Variants in COL15A1 observed in about 807,000 individuals in gnomAD.
COL15A1 encodes collagen type XV alpha 1 chain.
Under a neutral mutation model 165.9 loss-of-function variants are expected in COL15A1, and 111 were observed. The observed-to-expected ratio is 0.67, with a 90% CI of 0.57 to 0.78. COL15A1 has a LOEUF of 0.78. Ranked by LOEUF, COL15A1 falls within the 30% of genes least tolerant of loss-of-function variation. COL15A1 has a pLI of 0.00. For synonymous variants in COL15A1, 659 were observed against 674.8 expected (o/e 0.98, Z 0.36); for missense variants, 1,745 against 1,789.7 (o/e 0.98, Z 0.45).
intron 36 of COL15A1, among the ~76,000 whole-genome samples, chr9:99,061,010 A>G (rs1382005951): frequency 6.6e-6 from 1 of 152,266 alleles, no homozygotes; most frequent in African/African-American, 2.4e-5. Flanking sequence ...TCTCTGGCAC[A>G]TTCGTTACCC....
chr9:99,013,632 T>A (rs1291341302), intron 9 of COL15A1, among the ~76,000 whole-genome samples: 1 of 151,700 alleles, frequency 6.6e-6, no homozygotes, highest in Non-Finnish European at 1.5e-5. Context: ...TCCACCATTA[T>A]ACACACTAAG....
chr9:99,069,728 A>G lies in COL15A1; in HGVS notation c.4009A>G (p.Asn1337Asp). The G allele has an allele frequency of 6.2e-7, 1 of 1,614,148 alleles. No individual in the cohort carries two copies. Among genetic ancestry groups the G allele is most frequent in the South Asian group, 1.1e-5 (1 of 91,082 alleles). Residue 1337 changes from asparagine (N) to aspartate (D), a missense_variant, in exon 42 of 42, where the codon AAC becomes GAC. Physicochemically the swap from Asn to Asp is conservative, Grantham distance 23 (BLOSUM62 1). Coordinates refer to ENST00000375001, the MANE Select transcript of COL15A1 (RefSeq NM_001855.5). ...SSPHGVRLVDNYCEAWRTADT... is the reference protein window; with the variant it reads ...SSPHGVRLVDDYCEAWRTADT... The stretch of plus-strand genomic sequence containing the variant: ...CCCCCATGGCGTCCGCCTTGTGGAT[A>G]ACTACTGTGAAGCATGGCGAACCGC...
intron 2 of COL15A1, among the ~76,000 whole-genome samples, chr9:98,982,845 G>A (rs536690166): frequency 6.6e-6 from 1 of 152,086 alleles, no homozygotes; most frequent in South Asian, 2.1e-4. Flanking sequence ...TGTTGCCCAG[G>A]CTGGCCTTGA....
At chr9:99,018,122 C>A (rs1359170629) in intron 11 of COL15A1, among the ~76,000 whole-genome samples, 1 of 152,206 alleles carries the variant, frequency 6.6e-6, no homozygotes, top group African/African-American at 2.4e-5. Context: ...TATCACGATG[C>A]ATCTAACAAA....
intron 6 of COL15A1, among the ~76,000 whole-genome samples, chr9:98,999,338 G>C (rs1474329143): frequency 1.4e-5 from 2 of 147,032 alleles, no homozygotes; most frequent in Non-Finnish European, 3.0e-5. Context: ...CTGTCATGGG[G>C]TGATAGTGGG....
chr9:98,993,717 G>T (rs2118915450), intron 5 of COL15A1, among the ~76,000 whole-genome samples: 1 of 152,272 alleles, frequency 6.6e-6, no homozygotes, highest in Non-Finnish European at 1.5e-5. Flanking sequence ...CTGAGCTGGG[G>T]ACTTCCCCCT....
chr9:99,025,925 G>A lies in COL15A1; in HGVS notation c.2002G>A (p.Val668Ile), dbSNP rs750853549. Residue 668 changes from valine to isoleucine, a missense_variant, in exon 16 of 42, where the codon GTT (valine) becomes ATT (isoleucine). Transcript: ENST00000375001. ...GPPGPEGQPG[V>I]DGATGLPGMK... ...CCAGGGCCCTGAGGGACAGCCTGGA[G>A]TTGATGGAGCCACCGGCCTTCCCGG... 2.5e-6 allele frequency: 4 copies of A among 1,613,200 alleles called. No individual in the cohort carries two copies. The highest frequency in any genetic ancestry group is 3.4e-6 in the Non-Finnish European group (4 of 1,179,704).
chr9:99,069,854 G>A lies in COL15A1; in HGVS notation c.4135G>A (p.Glu1379Lys), dbSNP rs755450632. The A allele has an allele frequency of 5.6e-6, 9 of 1,613,432 alleles. No individual in the cohort carries two copies. The highest frequency in any genetic ancestry group is 3.3e-5 in the South Asian group (3 of 91,058). ...CANRLIVLCI[E>K]NSFMTDARK ...TAATCGGCTAATTGTCCTATGTATCGAAAACAGTTTCATGACAGACGCTAG... is the reference window on the plus strand; with the variant it reads ...TAATCGGCTAATTGTCCTATGTATCAAAAACAGTTTCATGACAGACGCTAG... Residue 1379 changes from glutamate (E) to lysine (K), a missense_variant, in exon 42 of 42, where the codon GAA becomes AAA. Physicochemically the swap from Glu to Lys is moderately conservative, Grantham distance 56. Coordinates refer to ENST00000375001, the MANE Select transcript of COL15A1 (RefSeq NM_001855.5).
intron 2 of COL15A1, among the ~76,000 whole-genome samples, chr9:98,985,268 G>T (rs571773708): frequency 3.3e-5 from 5 of 152,270 alleles, no homozygotes; most frequent in Non-Finnish European, 5.9e-5. Flanking sequence ...AGCAGAAAAA[G>T]AATAATTAAA....
At chr9:98,972,092 C>T (rs1044304737) in intron 2 of COL15A1, among the ~76,000 whole-genome samples, 4 of 152,152 alleles carry the variant, frequency 2.6e-5, no homozygotes, top group Non-Finnish European at 5.9e-5. Flanking sequence ...AGGGTTCTCA[C>T]TGTGTTGTCC....
chr9:98,972,456 A>G (rs756045455), intron 2 of COL15A1, among the ~76,000 whole-genome samples: 3 of 152,206 alleles, frequency 2.0e-5, no homozygotes, highest in African/African-American at 2.4e-5. Flanking sequence ...CTTGACTCCA[A>G]CTGCTTATTA....
intron 2 of COL15A1, among the ~76,000 whole-genome samples, chr9:98,962,246 T>G (rs918323541): frequency 4.6e-5 from 7 of 152,058 alleles, no homozygotes; most frequent in African/African-American, 1.7e-4. Context: ...ATAACTCGGG[T>G]GGGAGGTTTT....
At chr9:98,958,300 C>T (rs1002462167) in intron 2 of COL15A1, among the ~76,000 whole-genome samples, 3 of 152,224 alleles carry the variant, frequency 2.0e-5, no homozygotes, top group African/African-American at 4.8e-5. Context: ...TTTGGCCGCA[C>T]GTTCTGGCAG....
intron 5 of COL15A1, among the ~76,000 whole-genome samples, chr9:98,991,285 C>T (rs982192788): frequency 6.6e-6 from 1 of 152,028 alleles, no homozygotes; most frequent in African/African-American, 2.4e-5. Context: ...TGCTGATTGG[C>T]CCATTTTACA....
intron 9 of COL15A1, among the ~76,000 whole-genome samples, chr9:99,007,564 G>T (rs1465518262): frequency 1.3e-5 from 2 of 152,154 alleles, no homozygotes; most frequent in South Asian, 2.1e-4. Context: ...AGGCTGTGAA[G>T]TCTCATGCCC....
rs778700512 is a variant in COL15A1, at chr9:99,015,549, G to C, written c.1486G>C (p.Glu496Gln). Residue 496 changes from glutamate to glutamine, a missense_variant, in exon 10 of 42, where the codon GAG becomes CAG. Transcript: ENST00000375001. The part of the protein sequence containing the change: ...LAPLTATMAP[E>Q]RAVTSGPGDE... ...TCCCCTCACAGCCACCATGGCCCCT[G>C]AGCGGGCAGTCACTTCTGTAAGTGT... 3.7e-6 allele frequency: 6 copies of C among 1,613,746 alleles called. No individual in the cohort carries two copies. Among genetic ancestry groups the C allele is most frequent in the Non-Finnish European group, 5.1e-6 (6 of 1,179,958 alleles).
chr9:98,976,925 G>A (rs940924232), intron 2 of COL15A1, among the ~76,000 whole-genome samples: 7 of 152,166 alleles, frequency 4.6e-5, no homozygotes, highest in African/African-American at 1.7e-4. Context: ...TTGAAGTTGG[G>A]CCCTGAGATG....
At chr9:98,967,684 G>A (rs770538566) in intron 2 of COL15A1, among the ~76,000 whole-genome samples, 1 of 152,192 alleles carries the variant, frequency 6.6e-6, no homozygotes, top group Non-Finnish European at 1.5e-5. Context: ...GTCCATGGTG[G>A]AAGCAGTTAC....
chr9:99,013,658 G>T (rs932096795), intron 9 of COL15A1, among the ~76,000 whole-genome samples: 5 of 151,788 alleles, frequency 3.3e-5, no homozygotes, highest in African/African-American at 9.7e-5. Context: ...ATCCTCTCCC[G>T]GTATAAGGTA....
Sources: allele counts gnomAD v4.1 joint callset (sites outside exome capture counted in the v4.1 genomes callset), GRCh38; gene constraint gnomAD v4.1.1; transcripts MANE v1.5; gene names NCBI Gene and HGNC (gene_info 2026-07-23, HGNC 2026-07-21).